AGAP1: variants seen among roughly 807,000 people sequenced by gnomAD.
AGAP1 encodes ArfGAP with GTPase domain, ankyrin repeat and PH domain 1, also known as arf-GAP with GTPase, ANK repeat and PH domain-containing protein 1.
In AGAP1, 29 loss-of-function variants were observed where a neutral mutation model predicts 105.3. That is an observed-to-expected ratio of 0.28 (90% CI 0.21 to 0.38). The LOEUF is 0.38. Among genes scored for constraint, AGAP1 ranks in the 10% least tolerant of loss-of-function variants. AGAP1 has a pLI of 1.00. For synonymous variants in AGAP1, 509 were observed against 485.9 expected, an observed-to-expected ratio of 1.05 and a Z score of -0.63; for missense variants, 998 against 1,165.1, an observed-to-expected ratio of 0.86 and a Z score of 2.09.
intron 1 of AGAP1, among the ~76,000 whole-genome samples, chr2:235,523,190 G>C (rs1362110950): frequency 6.6e-6 from 1 of 152,134 alleles, no homozygotes; most frequent in East Asian, 1.9e-4. Context: ...ATCCCATCAT[G>C]CTCCTCACGG....
chr2:235,579,743 T>G (rs1944865671), intron 1 of AGAP1, among the ~76,000 whole-genome samples: 1 of 149,790 alleles, frequency 6.7e-6, no homozygotes, highest in East Asian at 2.0e-4. Flanking sequence ...ACCACTGCAC[T>G]CCAGCCTGGG....
At position 235,962,922 on chromosome 2, in the gene AGAP1, C is replaced by T. The variant is rs1553691118; in HGVS notation, c.1484-5540C>T. 6.6e-6 allele frequency among the ~76,000 whole-genome samples: 1 copy of T among 152,144 alleles called. No homozygotes were observed. The highest frequency in any genetic ancestry group is 1.5e-5 in the Non-Finnish European group (1 of 68,044). ...CCCAGTTTGATACCCAGAAACGTCT[C>T]CAGCCATTGCCAGAGGTCCTGGGTG... On this transcript the variant is annotated intron_variant, in intron 12 of 17. Coordinates refer to ENST00000304032, the MANE Select transcript of AGAP1 (RefSeq NM_001037131.3). The surrounding 1 kb of genome is among the most constrained non-coding windows in gnomAD (Gnocchi z 5.3).
intron 11 of AGAP1, among the ~76,000 whole-genome samples, chr2:235,909,791 C>T (rs1482047128): frequency 6.6e-6 from 1 of 152,116 alleles, no homozygotes; most frequent in Non-Finnish European, 1.5e-5. Flanking sequence ...GAGGCTGAGG[C>T]GGGTGGATCG....
chr2:235,969,442 C>T (rs992931297), intron 13 of AGAP1, among the ~76,000 whole-genome samples: 2 of 152,088 alleles, frequency 1.3e-5, no homozygotes, highest in Admixed American at 6.5e-5. Context: ...CCTGTGAGAC[C>T]GACAATGGTG....
At chr2:235,894,817 A>C (rs142133460) in intron 10 of AGAP1, among the ~76,000 whole-genome samples, 1 of 152,180 alleles carries the variant, frequency 6.6e-6, no homozygotes, top group African/African-American at 2.4e-5. Flanking sequence ...GTGCAGGTCA[A>C]AGAACACTGA....
At chr2:235,616,945 A>G (rs1332379417) in intron 1 of AGAP1, among the ~76,000 whole-genome samples, 1 of 148,858 alleles carries the variant, frequency 6.7e-6, no homozygotes, top group Non-Finnish European at 1.5e-5. Flanking sequence ...ACAAACGTGC[A>G]TCTTTAAATT....
intron 11 of AGAP1, among the ~76,000 whole-genome samples, chr2:235,914,781 G>A (rs1179238876): frequency 2.0e-5 from 3 of 152,148 alleles, no homozygotes; most frequent in Admixed American, 6.5e-5. Flanking sequence ...CGGTCGTGGA[G>A]TTCAGGAGTG....
At chr2:235,560,594 G>T (rs1234331804) in intron 1 of AGAP1, among the ~76,000 whole-genome samples, 4 of 152,214 alleles carry the variant, frequency 2.6e-5, no homozygotes, top group African/African-American at 9.6e-5. Flanking sequence ...ACTGTGGAAG[G>T]AGGGCGAGAG....
chr2:235,894,601 ATACACACACACT>A (rs1559618242), intron 10 of AGAP1, among the ~76,000 whole-genome samples: 1 of 150,426 alleles, frequency 6.6e-6, no homozygotes, highest in African/African-American at 2.5e-5. Flanking sequence ...ACACACACAC[ATACACACACACT>A]TAAACATACA....
chr2:236,085,215 C>CAAA (rs144353985), intron 16 of AGAP1, among the ~76,000 whole-genome samples: 50 of 58,192 alleles, frequency 8.6e-4, no homozygotes, highest in East Asian at 2.7e-3. Context: ...GACTCCGTCT[C>CAAA]AAAAAAAAAA....
In AGAP1 at chr2:235,936,893, C is replaced by T. The variant is rs1371004226; in HGVS notation, c.1483+5970C>T. Among the ~76,000 whole-genome samples, 1 of 151,934 alleles carries T rather than the reference C, an allele frequency of 6.6e-6. No individual in the cohort carries two copies. Among genetic ancestry groups the T allele is most frequent in the East Asian group, 1.9e-4 (1 of 5,192 alleles). ...ATCATTATTAGCCAAAATTCAAACC[C>T]AGATCTTTCTGATTTCAAAGCTTGT... On this transcript the variant is annotated intron_variant, in intron 12 of 17. Transcript: ENST00000304032. The surrounding 1 kb of genome is among the most constrained non-coding windows in gnomAD (Gnocchi z 4.7).
At chr2:236,079,195 G>T (rs770599156) in intron 16 of AGAP1, among the ~76,000 whole-genome samples, 9 of 151,690 alleles carry the variant, frequency 5.9e-5, no homozygotes, top group Non-Finnish European at 1.0e-4. Flanking sequence ...CAGCATGAAG[G>T]AGAGAGAGAC....
intron 1 of AGAP1, among the ~76,000 whole-genome samples, chr2:235,585,172 G>C (rs187642369): frequency 9.3e-4 from 142 of 152,262 alleles, no homozygotes; most frequent in Non-Finnish European, 1.6e-3. Flanking sequence ...AAACAGCATA[G>C]ATTTATTACA....
At chr2:235,854,693 C>T (rs2048611885) in intron 9 of AGAP1, among the ~76,000 whole-genome samples, 1 of 152,204 alleles carries the variant, frequency 6.6e-6, no homozygotes. Context: ...CTTGCTTTAT[C>T]TGTTAAGTGG....
chr2:235,959,827 G>T lies in AGAP1; in HGVS notation c.1484-8635G>T, dbSNP rs1220451033. Among the ~76,000 whole-genome samples, 1 of 152,114 alleles carries T rather than the reference G, an allele frequency of 6.6e-6. No homozygotes were observed. Among genetic ancestry groups the T allele is most frequent in the South Asian group, 2.1e-4 (1 of 4,828 alleles). ...CACTTTCCCCACTGGCTGCCTGTCC[G>T]CTCCTGCCAAACCTGCTCCCACCCG... On this transcript the variant is annotated intron_variant, in intron 12 of 17. Transcript: ENST00000304032. The surrounding 1 kb of genome is among the most constrained non-coding windows in gnomAD (Gnocchi z 7.3).
At position 235,953,331 on chromosome 2, in the gene AGAP1, A is replaced by G. The variant is rs1279469394; in HGVS notation, c.1484-15131A>G. ...TTGCCTTCTAACATAACAAAAGGTT[A>G]CATGTGATGGCCAAGGGAAAAGAAA... On this transcript the variant is annotated intron_variant, in intron 12 of 17. Transcript: ENST00000304032. This position sits in a 1 kb window ranked among gnomAD's most constrained non-coding sequence, Gnocchi z 5.2. Among the ~76,000 whole-genome samples the G allele has an allele frequency of 2.0e-5, 3 of 152,250 alleles. No individual in the cohort carries two copies. The highest frequency in any genetic ancestry group is 7.2e-5 in the African/African-American group (3 of 41,464).
chr2:235,763,360 C>T (rs147274968), intron 6 of AGAP1, among the ~76,000 whole-genome samples: 39 of 152,182 alleles, frequency 2.6e-4, no homozygotes, highest in African/African-American at 8.7e-4. Context: ...GATCCGCGAC[C>T]GTGAAACTTT....
intron 6 of AGAP1, among the ~76,000 whole-genome samples, chr2:235,794,886 A>G: frequency 6.6e-6 from 1 of 152,224 alleles, no homozygotes. Flanking sequence ...TACATTGAAC[A>G]TACGTATTTA....
chr2:235,999,878 C>G (rs1207694577), intron 13 of AGAP1, among the ~76,000 whole-genome samples: 1 of 152,054 alleles, frequency 6.6e-6, no homozygotes, highest in South Asian at 2.1e-4. Context: ...ATTCATTAAA[C>G]TTGTAAGTCA....
Sources: allele counts gnomAD v4.1 joint callset (sites outside exome capture counted in the v4.1 genomes callset), GRCh38; gene constraint gnomAD v4.1.1; non-coding constraint Gnocchi (gnomAD v3.1); transcripts MANE v1.5; gene names NCBI Gene and HGNC (gene_info 2026-07-23, HGNC 2026-07-21).